The following TMEM71 variants were observed in gnomAD, a reference collection of about 807,000 sequenced individuals.
The protein encoded by TMEM71 is transmembrane protein 71.
A neutral mutation model predicts 38.0 loss-of-function variants in TMEM71; 44 were observed. The ratio of observed to expected loss-of-function variants is 1.16; its 90% CI spans 0.91 to 1.49. The LOEUF is 1.49. Ranked by LOEUF, TMEM71 falls within the 40% of genes most tolerant of loss-of-function variation. The pLI is 0.00. For synonymous variants in TMEM71, 133 were observed against 122.5 expected (o/e 1.09, Z -0.56); for missense variants, 367 against 348.6 (o/e 1.05, Z -0.42).
chr8:132,732,541 T>C (rs1353491834), intron 5 of TMEM71, among the ~76,000 whole-genome samples: 1 of 152,008 alleles, frequency 6.6e-6, no homozygotes, highest in Non-Finnish European at 1.5e-5. Flanking sequence ...TCCAAGCTAA[T>C]ATTGATTCTG....
At chr8:132,733,296 G>A (rs141643729) in intron 5 of TMEM71, among the ~76,000 whole-genome samples, 96 of 152,336 alleles carry the variant, frequency 6.3e-4, no homozygotes, top group Admixed American at 1.2e-3. Flanking sequence ...AAGTTTTACA[G>A]AGAATTCGGT....
chr8:132,747,248 T>G, intron 4 of TMEM71, 134 bp from the exon 5 acceptor site: 1 of 790,602 alleles, frequency 1.3e-6, no homozygotes, highest in Non-Finnish European at 1.9e-6. Flanking sequence ...TTTCTCAAAA[T>G]TCTACTGTGT....
chr8:132,768,234 A>G, the TMEM71 span, among the ~76,000 whole-genome samples: 7 of 152,298 alleles, frequency 4.6e-5, no homozygotes, highest in East Asian at 1.9e-4. Context: ...CAATTTCCAC[A>G]TCGTTAAATT....
At chr8:132,716,862 T>C (rs751374538) in intron 7 of TMEM71, among the ~76,000 whole-genome samples, 1 of 152,208 alleles carries the variant, frequency 6.6e-6, no homozygotes, top group Admixed American at 6.5e-5. Context: ...CTGCACATTG[T>C]TCTGTGGTGT....
Position 132,731,270 on chromosome 8 carries a change from C to T in TMEM71, c.488-3284G>A, listed in dbSNP as rs1318204476. Among the ~76,000 whole-genome samples the T allele has an allele frequency of 2.6e-5, 4 of 151,974 alleles. No homozygotes were observed. In the East Asian group the frequency reaches 5.8e-4, roughly 22 times the overall value. On this transcript the variant is annotated intron_variant, in intron 5 of 9. Transcript: ENST00000677595. ...ATAGATATAGACCCTAGTTACGTGA[C>T]CAAATGTGATAATCAACTTCATGGG... is the stretch of plus-strand genomic sequence containing the variant.
chr8:132,752,225 G>A (rs1828755768), intron 3 of TMEM71, among the ~76,000 whole-genome samples: 1 of 152,184 alleles, frequency 6.6e-6, no homozygotes, highest in South Asian at 2.1e-4. Context: ...AAACTTCAGT[G>A]AAAACACGAT....
At chr8:132,756,192 TGTA>T (rs1586807486) in intron 3 of TMEM71, among the ~76,000 whole-genome samples, 1 of 151,852 alleles carries the variant, frequency 6.6e-6, no homozygotes, top group East Asian at 1.9e-4. Flanking sequence ...AAGACTTCCT[TGTA>T]GTACTTCAAG....
At chr8:132,736,264 C>T (rs919467872) in intron 5 of TMEM71, among the ~76,000 whole-genome samples, 2 of 152,088 alleles carry the variant, frequency 1.3e-5, no homozygotes, top group Non-Finnish European at 2.9e-5. Context: ...AAGACACTTG[C>T]CTTGTTGCTC....
the TMEM71 span, among the ~76,000 whole-genome samples, chr8:132,775,958 ATTCTCTGAC>A: frequency 6.6e-6 from 1 of 152,140 alleles, no homozygotes; most frequent in Non-Finnish European, 1.5e-5. Context: ...CCTGGCGGTC[ATTCTCTGAC>A]CATTGCTTTA....
At chr8:132,727,554 T>C (rs1422411430) in intron 6 of TMEM71, among the ~76,000 whole-genome samples, 1 of 151,958 alleles carries the variant, frequency 6.6e-6, no homozygotes, top group Admixed American at 6.6e-5. Context: ...CCGTGCCCGG[T>C]CTCTGAATAT....
the TMEM71 span, among the ~76,000 whole-genome samples, chr8:132,774,828 G>A: frequency 3.9e-3 from 592 of 152,314 alleles, 2 homozygotes; most frequent in Middle Eastern, 0.01. Flanking sequence ...GAGCACGCGC[G>A]TACACACATC....
intron 3 of TMEM71, among the ~76,000 whole-genome samples, chr8:132,755,286 C>T (rs1828941430): frequency 6.6e-6 from 1 of 152,176 alleles, no homozygotes; most frequent in Non-Finnish European, 1.5e-5. Context: ...CTTCCAACAC[C>T]TGGATCATAG....
intron 9 of TMEM71, among the ~76,000 whole-genome samples, chr8:132,713,763 C>A (rs1044395037): frequency 1.3e-5 from 2 of 152,258 alleles, no homozygotes; most frequent in East Asian, 3.9e-4. Context: ...TAAATGACAT[C>A]GCCTTTCAAA....
downstream of TMEM71, among the ~76,000 whole-genome samples, chr8:132,706,360 T>C (rs1826094610): frequency 6.6e-6 from 1 of 152,136 alleles, no homozygotes; most frequent in African/African-American, 2.4e-5. Context: ...AGAGCAAGTT[T>C]GTTGAGGGCA....
intron 3 of TMEM71, among the ~76,000 whole-genome samples, chr8:132,754,395 T>A (rs966405151): frequency 6.6e-6 from 1 of 152,224 alleles, no homozygotes; most frequent in African/African-American, 2.4e-5. Flanking sequence ...CAATTTTATA[T>A]TACAAGGTCA....
chr8:132,759,989 T>A (rs1415156306), intron 1 of TMEM71, among the ~76,000 whole-genome samples: 1 of 152,210 alleles, frequency 6.6e-6, no homozygotes, highest in Non-Finnish European at 1.5e-5. Flanking sequence ...GTATGTTACT[T>A]GTTCTTTTCA....
chr8:132,717,408 G>A (rs1026837668), intron 7 of TMEM71, among the ~76,000 whole-genome samples: 1 of 152,120 alleles, frequency 6.6e-6, no homozygotes, highest in Non-Finnish European at 1.5e-5. Context: ...CAAACAGCCT[G>A]GTTTAAAAAG....
At chr8:132,772,830 C>T in the TMEM71 span, among the ~76,000 whole-genome samples, 1 of 152,034 alleles carries the variant, frequency 6.6e-6, no homozygotes, top group Non-Finnish European at 1.5e-5. Flanking sequence ...TTAGATTTCC[C>T]TAAATGTAAC....
At chr8:132,714,090 A>C (rs1826375928) in intron 8 of TMEM71, 38 bp from the exon 9 acceptor site, 1 of 1,613,218 alleles carries the variant, frequency 6.2e-7, no homozygotes, top group Non-Finnish European at 8.5e-7. Context: ...AAATCATTTT[A>C]AAGTGACCAA....
Sources: allele counts gnomAD v4.1 joint callset (sites outside exome capture counted in the v4.1 genomes callset), GRCh38; gene constraint gnomAD v4.1.1; transcripts MANE v1.5; gene names NCBI Gene and HGNC (gene_info 2026-07-23, HGNC 2026-07-21).